The following TENM3 variants were observed in gnomAD, a reference collection of about 807,000 sequenced individuals.
The protein encoded by TENM3 is teneurin-3.
TENM3 carries 63 observed loss-of-function variants against 255.1 expected under a neutral mutation model. The observed-to-expected ratio is 0.25, with a 90% CI of 0.20 to 0.30. The LOEUF is 0.30. Among genes scored for constraint, TENM3 ranks in the 10% least tolerant of loss-of-function variants. The probability of loss-of-function intolerance (pLI) is 1.00; values close to 1 mark genes in which losing one functional copy is unlikely to be tolerated. For synonymous variants in TENM3, 1,306 were observed against 1,322.3 expected (o/e 0.99, Z 0.27); for missense variants, 2,929 against 3,461.1 (o/e 0.85, Z 3.86).
chr4:181,604,658 A>G, the TENM3 span, among the ~76,000 whole-genome samples: 1 of 152,152 alleles, frequency 6.6e-6, no homozygotes, highest in African/African-American at 2.4e-5. Flanking sequence ...CTCAGCTGAC[A>G]TTCTGCTGTA....
At chr4:181,824,397 G>A in the TENM3 span, among the ~76,000 whole-genome samples, 8 of 151,808 alleles carry the variant, frequency 5.3e-5, no homozygotes, top group East Asian at 1.9e-4. Context: ...CACTGCACCC[G>A]ACCAACATAA....
intron 1 of TENM3, among the ~76,000 whole-genome samples, chr4:182,197,424 T>G (rs562161434): frequency 8.6e-5 from 13 of 151,934 alleles, no homozygotes; most frequent in African/African-American, 3.1e-4. Context: ...AGTTCAGGGG[T>G]TTTTTTTCCT....
chr4:182,798,964 T>C (rs1418360928), intron 27 of TENM3, among the ~76,000 whole-genome samples: 1 of 152,230 alleles, frequency 6.6e-6, no homozygotes, highest in South Asian at 2.1e-4. Flanking sequence ...GACGGTCCAC[T>C]GTCCCTAAGT....
the TENM3 span, among the ~76,000 whole-genome samples, chr4:181,955,595 A>G: frequency 2.0e-5 from 3 of 152,202 alleles, no homozygotes; most frequent in African/African-American, 7.2e-5. Context: ...ATGGCAATCT[A>G]GCACATGTTG....
At chr4:182,674,129 ATAT>A (rs1755459639) in intron 7 of TENM3, among the ~76,000 whole-genome samples, 1 of 152,226 alleles carries the variant, frequency 6.6e-6, no homozygotes, top group South Asian at 2.1e-4. Context: ...GCCTAAAGTT[ATAT>A]TCAATAATCA....
intron 5 of TENM3, among the ~76,000 whole-genome samples, chr4:182,650,890 A>T (rs1471440880): frequency 9.1e-5 from 3 of 33,002 alleles, no homozygotes; most frequent in African/African-American, 1.8e-4. Flanking sequence ...ATAAAAAAAA[A>T]TATATATATA....
intron 24 of TENM3, among the ~76,000 whole-genome samples, chr4:182,777,186 T>G (rs1254946197): frequency 1.3e-5 from 2 of 152,092 alleles, no homozygotes; most frequent in East Asian, 3.9e-4. Flanking sequence ...TTCCACTCTT[T>G]CCTGAGACAG....
At chr4:181,516,672 C>T in the TENM3 span, among the ~76,000 whole-genome samples, 3 of 151,808 alleles carry the variant, frequency 2.0e-5, no homozygotes, top group South Asian at 4.2e-4. Context: ...GCTACTCGGG[C>T]GGCTGAGGCA....
At chr4:181,878,701 T>C in the TENM3 span, among the ~76,000 whole-genome samples, 1 of 152,130 alleles carries the variant, frequency 6.6e-6, no homozygotes, top group Non-Finnish European at 1.5e-5. Flanking sequence ...TCCGTCTGTC[T>C]ATATACCTAT....
chr4:181,589,332 T>C, the TENM3 span, among the ~76,000 whole-genome samples: 1 of 152,192 alleles, frequency 6.6e-6, no homozygotes, highest in Non-Finnish European at 1.5e-5. Context: ...TATAAATTAC[T>C]GAAGGGCTAG....
the TENM3 span, among the ~76,000 whole-genome samples, chr4:182,101,352 AAGGG>A: frequency 1.4e-5 from 2 of 138,478 alleles, no homozygotes; most frequent in Admixed American, 7.1e-5. Flanking sequence ...GGAAGGAAGA[AAGGG>A]AGGGAGGGAG....
chr4:181,930,229 C>G, the TENM3 span, among the ~76,000 whole-genome samples: 1 of 152,064 alleles, frequency 6.6e-6, no homozygotes, highest in East Asian at 1.9e-4. Context: ...AATCCAGGAG[C>G]TGGTTTTTTG....
chr4:181,673,188 TA>T, the TENM3 span, among the ~76,000 whole-genome samples: 1 of 152,094 alleles, frequency 6.6e-6, no homozygotes, highest in African/African-American at 2.4e-5. Flanking sequence ...GTATACCTAT[TA>T]TTGTGTTGTA....
chr4:182,367,041 G>A (rs1766476936), intron 3 of TENM3, among the ~76,000 whole-genome samples: 1 of 151,868 alleles, frequency 6.6e-6, no homozygotes, highest in South Asian at 2.1e-4. Flanking sequence ...GGAAACAATC[G>A]GAAGACAAAA....
the TENM3 span, among the ~76,000 whole-genome samples, chr4:182,045,856 C>T: frequency 2.6e-5 from 4 of 151,994 alleles, no homozygotes; most frequent in African/African-American, 7.2e-5. Context: ...TGAGACCATC[C>T]GGGTTATAGA....
At chr4:182,794,435 G>A (rs987732485) in intron 26 of TENM3, among the ~76,000 whole-genome samples, 5 of 152,096 alleles carry the variant, frequency 3.3e-5, no homozygotes, top group African/African-American at 9.7e-5. Context: ...CACAATACAA[G>A]GTGACACCAT....
At position 182,628,931 on chromosome 4, in the gene TENM3, G is replaced by C. The variant is rs138861717; in HGVS notation, c.988+42G>C. ...AGAATTACTTTGTCTGTAAATCAGGGTGTTACATTGTTTTATTACTTGTAT... is the reference window on the plus strand; with the variant it reads ...AGAATTACTTTGTCTGTAAATCAGGCTGTTACATTGTTTTATTACTTGTAT... On this transcript the variant is annotated intron_variant, in intron 5 of 27. Transcript: ENST00000511685. 1.4e-5 allele frequency: 16 copies of C among 1,171,512 alleles called. No homozygotes were observed. The African/African-American group carries it at 1.4e-4, about 10-fold the overall frequency. 72.6% of individuals were successfully genotyped at this position (1,171,512 alleles called of 1,614,324 possible). A position where few individuals can be genotyped will look rare whatever the true frequency, so the allele number is the denominator to read the frequency against.
chr4:182,324,843 G>A (rs1763290660), intron 2 of TENM3, among the ~76,000 whole-genome samples: 1 of 152,130 alleles, frequency 6.6e-6, no homozygotes, highest in Admixed American at 6.5e-5. Flanking sequence ...TTCCCACAAT[G>A]TAATCCACTA....
chr4:182,063,178 T>A, the TENM3 span, among the ~76,000 whole-genome samples: 1 of 152,240 alleles, frequency 6.6e-6, no homozygotes, highest in African/African-American at 2.4e-5. Flanking sequence ...CTGATAGGTG[T>A]TCCTACAGCT....
Sources: allele counts gnomAD v4.1 joint callset (sites outside exome capture counted in the v4.1 genomes callset), GRCh38; gene constraint gnomAD v4.1.1; transcripts MANE v1.5; gene names NCBI Gene and HGNC (gene_info 2026-07-23, HGNC 2026-07-21).